Variants in ZNF18 observed in about 807,000 individuals in gnomAD.
ZNF18 encodes the protein heart development-specific gene 1 protein.
In ZNF18, 42 loss-of-function variants were observed where a neutral mutation model predicts 58.1. That is an observed-to-expected ratio of 0.72 (90% CI 0.56 to 0.93). The LOEUF (loss-of-function observed/expected upper bound fraction) is 0.93, where lower values mean the gene tolerates loss of function less well. Among genes scored for constraint, ZNF18 ranks in the 40% least tolerant of loss-of-function variants. The probability of loss-of-function intolerance (pLI) is 0.00; values close to 1 mark genes in which losing one functional copy is unlikely to be tolerated. For synonymous variants in ZNF18, 231 were observed against 239.8 expected, an observed-to-expected ratio of 0.96 and a Z score of 0.34; for missense variants, 540 against 644.2, an observed-to-expected ratio of 0.84 and a Z score of 1.75.
At chr17:12,020,481 C>T in the ZNF18 span, among the ~76,000 whole-genome samples, 6 of 152,102 alleles carry the variant, frequency 3.9e-5, no homozygotes, top group East Asian at 1.2e-3. Flanking sequence ...TCCCTGGGAT[C>T]CTTTTCAGCT....
the ZNF18 span, among the ~76,000 whole-genome samples, chr17:12,004,711 A>G: frequency 6.6e-6 from 1 of 151,994 alleles, no homozygotes; most frequent in Non-Finnish European, 1.5e-5. Flanking sequence ...ACATAGAGAA[A>G]CCATGTCTCT....
chr17:11,993,758 A>T (rs1043816579), intron 1 of ZNF18: 6 of 135,374 alleles, frequency 4.4e-5, no homozygotes, highest in Admixed American at 1.7e-4. Flanking sequence ...CAGGAGGTGG[A>T]GCTTGCAGTG....
At chr17:12,016,893 T>C in the ZNF18 span, among the ~76,000 whole-genome samples, 1 of 152,130 alleles carries the variant, frequency 6.6e-6, no homozygotes, top group Admixed American at 6.6e-5. Flanking sequence ...GCATGATTAT[T>C]AATAGTCAAA....
intron 6 of ZNF18, among the ~76,000 whole-genome samples, chr17:11,981,009 C>T (rs556573436): frequency 2.6e-4 from 40 of 152,178 alleles, no homozygotes; most frequent in African/African-American, 9.4e-4. Flanking sequence ...GAGACTGCCC[C>T]CTGCTGACCT....
the ZNF18 span, among the ~76,000 whole-genome samples, chr17:12,018,082 C>T: frequency 6.6e-6 from 1 of 152,120 alleles, no homozygotes; most frequent in Non-Finnish European, 1.5e-5. Context: ...TTCATCTACT[C>T]TAGTGGGAAG....
chr17:11,983,986 G>T, intron 5 of ZNF18, 127 bp downstream of exon 5: 1 of 755,002 alleles, frequency 1.3e-6, no homozygotes, highest in Non-Finnish European at 2.1e-6. Context: ...GTTCCCAACT[G>T]TGTCCCTAAC....
chr17:11,980,504 T>A (rs1346882664), intron 6 of ZNF18, among the ~76,000 whole-genome samples: 2 of 152,112 alleles, frequency 1.3e-5, no homozygotes, highest in Admixed American at 6.5e-5. Context: ...CACTGCAACC[T>A]CTGCCTCCCA....
chr17:11,980,666 G>C (rs928546862), intron 6 of ZNF18, among the ~76,000 whole-genome samples: 1 of 151,934 alleles, frequency 6.6e-6, no homozygotes, highest in African/African-American at 2.4e-5. Flanking sequence ...TGATCCCCCC[G>C]CCTCAGCCTC....
chr17:12,013,594 T>A, the ZNF18 span, among the ~76,000 whole-genome samples: 3 of 152,212 alleles, frequency 2.0e-5, no homozygotes, highest in African/African-American at 7.2e-5. Context: ...AGTATTTGAG[T>A]CTATTTCTAG....
chr17:11,988,170 A>C (rs1597966044), intron 4 of ZNF18, among the ~76,000 whole-genome samples: 1 of 152,362 alleles, frequency 6.6e-6, no homozygotes, highest in Admixed American at 6.5e-5. Context: ...AGTATTAGGA[A>C]TTGTTGAATT....
At chr17:11,982,484 G>A (rs575784750) in intron 6 of ZNF18, among the ~76,000 whole-genome samples, 3 of 152,054 alleles carry the variant, frequency 2.0e-5, no homozygotes, top group Non-Finnish European at 2.9e-5. Flanking sequence ...TGATAAATAC[G>A]TTGTGTAAAA....
chr17:11,995,740 T>C (rs1968433317), intron 1 of ZNF18: 1 of 150,818 alleles, frequency 6.6e-6, no homozygotes, highest in African/African-American at 2.4e-5. Flanking sequence ...ATCAACCGAC[T>C]TGCTCTAATT....
the ZNF18 span, among the ~76,000 whole-genome samples, chr17:12,007,254 C>T: frequency 6.6e-6 from 1 of 152,150 alleles, no homozygotes; most frequent in Non-Finnish European, 1.5e-5. Flanking sequence ...AGAAAAAGAG[C>T]TGCAGCCTTC....
At chr17:12,016,508 T>C in the ZNF18 span, among the ~76,000 whole-genome samples, 1 of 152,124 alleles carries the variant, frequency 6.6e-6, no homozygotes, top group African/African-American at 2.4e-5. Context: ...TTTTGTCTTC[T>C]TAGTAGAGAT....
upstream of ZNF18, among the ~76,000 whole-genome samples, chr17:12,001,587 C>T (rs796898527): frequency 3.3e-5 from 5 of 152,188 alleles, no homozygotes; most frequent in South Asian, 1.0e-3. Context: ...CGAGATTGCG[C>T]CACTGCACTC....
chr17:12,010,863 C>A, the ZNF18 span: 1 of 490,828 alleles, frequency 2.0e-6, no homozygotes, highest in South Asian at 2.4e-5. Flanking sequence ...GTACTTTTCT[C>A]TTTGTCTTCT....
At chr17:11,983,867 T>C (rs1387406208) in intron 5 of ZNF18, among the ~76,000 whole-genome samples, 1 of 152,150 alleles carries the variant, frequency 6.6e-6, no homozygotes, top group African/African-American at 2.4e-5. Flanking sequence ...ATTTCATAGA[T>C]TAAAGAAGTT....
chr17:11,998,822 CTTTTTTTT>C (rs71142260), upstream of ZNF18, among the ~76,000 whole-genome samples: 3 of 108,534 alleles, frequency 2.8e-5, no homozygotes, highest in East Asian at 2.7e-4. Flanking sequence ...AGTTTCTAGT[CTTTTTTTT>C]TTTTTTTTTT....
intron 6 of ZNF18, among the ~76,000 whole-genome samples, chr17:11,979,179 C>T (rs1967186624): frequency 6.6e-6 from 1 of 151,222 alleles, no homozygotes; most frequent in South Asian, 2.1e-4. Context: ...AAACCAAATC[C>T]GCCTCAATCT....
Sources: allele counts gnomAD v4.1 joint callset (sites outside exome capture counted in the v4.1 genomes callset), GRCh38; gene constraint gnomAD v4.1.1; transcripts MANE v1.5; gene names NCBI Gene and HGNC (gene_info 2026-07-23, HGNC 2026-07-21).